EPHX4: variants seen among roughly 807,000 people sequenced by gnomAD.
EPHX4 encodes the protein abhydrolase domain containing 7.
EPHX4 carries 31 observed loss-of-function variants against 44.9 expected under a neutral mutation model. The observed-to-expected ratio is 0.69, with a 90% CI of 0.52 to 0.93. The LOEUF is 0.93. Among genes scored for constraint, EPHX4 ranks in the 40% least tolerant of loss-of-function variants. The pLI is 0.00. For missense variants in EPHX4, 373 were observed against 438.1 expected (o/e 0.85, Z 1.33); for synonymous variants, 151 against 159.7 (o/e 0.95, Z 0.41).
chr1:92,045,074 C>T (rs1403415882), intron 3 of EPHX4, among the ~76,000 whole-genome samples: 1 of 152,076 alleles, frequency 6.6e-6, no homozygotes, highest in Non-Finnish European at 1.5e-5. Context: ...GGGATCCTCC[C>T]ACTCCAGGCT....
intron 6 of EPHX4, among the ~76,000 whole-genome samples, chr1:92,059,919 G>T (rs1306239807): frequency 1.3e-5 from 2 of 151,324 alleles, no homozygotes; most frequent in African/African-American, 2.4e-5. Context: ...GAGTGCAGTG[G>T]CATGATCACA....
chr1:92,053,921 A>G (rs1246454938), intron 6 of EPHX4, among the ~76,000 whole-genome samples: 4 of 152,186 alleles, frequency 2.6e-5, no homozygotes, highest in East Asian at 1.9e-4. Context: ...ATGAAGATAT[A>G]TAAGATCTGG....
intron 2 of EPHX4, among the ~76,000 whole-genome samples, chr1:92,038,505 G>A (rs1223956067): frequency 6.6e-6 from 1 of 152,098 alleles, no homozygotes; most frequent in Non-Finnish European, 1.5e-5. Context: ...CACCTACAGG[G>A]GCTAGATATT....
At chr1:92,038,028 G>A (rs1055799464) in intron 2 of EPHX4, among the ~76,000 whole-genome samples, 1 of 152,156 alleles carries the variant, frequency 6.6e-6, no homozygotes, top group African/African-American at 2.4e-5. Context: ...GAAGATGACA[G>A]TTAAAAATTA....
intron 4 of EPHX4, among the ~76,000 whole-genome samples, chr1:92,047,012 G>A (rs751801925): frequency 2.6e-5 from 4 of 152,110 alleles, no homozygotes; most frequent in Admixed American, 6.5e-5. Context: ...CATCAGAAAA[G>A]CCTTTAAAGT....
At chr1:92,047,154 T>A (rs538834160) in intron 4 of EPHX4, among the ~76,000 whole-genome samples, 2 of 152,364 alleles carry the variant, frequency 1.3e-5, no homozygotes, top group South Asian at 4.1e-4. Flanking sequence ...GCTCACTTTG[T>A]TAACTTTCAA....
intron 6 of EPHX4, among the ~76,000 whole-genome samples, chr1:92,060,709 A>G (rs1418457822): frequency 6.6e-6 from 1 of 152,022 alleles, no homozygotes; most frequent in African/African-American, 2.4e-5. Flanking sequence ...ACATGAGGCC[A>G]GGAGTTCAAA....
chr1:92,049,715 A>G (rs1379965971), intron 4 of EPHX4, among the ~76,000 whole-genome samples: 1 of 152,234 alleles, frequency 6.6e-6, no homozygotes, highest in Admixed American at 6.5e-5. Flanking sequence ...GTGGTAGGTC[A>G]CTGATAATGA....
rs942757097 is a variant in EPHX4 at position 92,050,793 on chromosome 1, C to A, written c.708+373C>A. ...ATTAGTGTCACACATACACTGACAC[C>A]AGTAGTCATATGCAAGTATCTTGGA... On this transcript the variant is annotated intron_variant, in intron 5 of 6. Coordinates refer to ENST00000370383, the MANE Select transcript of EPHX4 (RefSeq NM_173567.5). Among the ~76,000 whole-genome samples, 6 of 151,528 alleles carry A rather than the reference C, an allele frequency of 4.0e-5. No individual in the cohort carries two copies. The South Asian group carries it at 8.3e-4, about 21-fold the overall frequency.
intron 4 of EPHX4, among the ~76,000 whole-genome samples, chr1:92,049,047 T>C (rs913768501): frequency 6.6e-6 from 1 of 151,528 alleles, no homozygotes; most frequent in African/African-American, 2.4e-5. Context: ...TATATATATT[T>C]ATATATAAAC....
chr1:92,031,175 A>T (rs1688354893), intron 1 of EPHX4, among the ~76,000 whole-genome samples: 1 of 152,210 alleles, frequency 6.6e-6, no homozygotes, highest in African/African-American at 2.4e-5. Context: ...TGGGGTCGAC[A>T]TGAGAATTAA....
At position 92,049,329 on chromosome 1, in the gene EPHX4, C is replaced by A. The variant is rs527943151; in HGVS notation, c.605-988C>A. Among the ~76,000 whole-genome samples the A allele has an allele frequency of 1.2e-4, 18 of 152,246 alleles. No homozygotes were observed. The South Asian group carries it at 3.3e-3, about 28-fold the overall frequency. On this transcript the variant is annotated intron_variant, in intron 4 of 6. Transcript: ENST00000370383. ...CAGCAAACATCACATCCCAGAGAGG[C>A]CTTCTTGACTACTTCTACTATGTAG... is the stretch of plus-strand genomic sequence containing the variant.
At chr1:92,031,214 G>GA (rs1384323346) in intron 1 of EPHX4, among the ~76,000 whole-genome samples, 1 of 152,096 alleles carries the variant, frequency 6.6e-6, no homozygotes, top group Non-Finnish European at 1.5e-5. Flanking sequence ...AAACAAACAC[G>GA]AAAAACTTAG....
rs371017117 is a variant in EPHX4 at position 92,030,485 on chromosome 1, T to TGAGA, written c.231+196_231+199dup. 1.4e-4 allele frequency among the ~76,000 whole-genome samples: 19 copies of TGAGA among 138,720 alleles called. 2 individuals are homozygous for TGAGA. Among genetic ancestry groups the TGAGA allele is most frequent in the African/African-American group, 5.0e-4 (18 of 36,254 alleles). 91.0% of individuals were successfully genotyped at this position (138,720 alleles called of 152,430 possible). On this transcript the variant is annotated intron_variant, in intron 1 of 6. Transcript: ENST00000370383. ...GTGTGTGTGTGTGTGTGTGTGTGTG[T>TGAGA]GAGAGAGAGAGAGAGAGAGAGAGAT...
intron 6 of EPHX4, among the ~76,000 whole-genome samples, chr1:92,059,741 C>G (rs1291083194): frequency 6.6e-5 from 10 of 152,096 alleles, no homozygotes; most frequent in African/African-American, 2.4e-4. Flanking sequence ...ACAAAAAATT[C>G]TAAGGCATAT....
intron 6 of EPHX4, among the ~76,000 whole-genome samples, chr1:92,062,490 A>G (rs146378328): frequency 0.02 from 3,022 of 150,828 alleles, 49 homozygotes; most frequent in Non-Finnish European, 0.028. Flanking sequence ...GAGGCTGAGG[A>G]AGGAGAATCA....
chr1:92,060,973 T>C (rs1435480926), intron 6 of EPHX4, among the ~76,000 whole-genome samples: 1 of 151,948 alleles, frequency 6.6e-6, no homozygotes, highest in Non-Finnish European at 1.5e-5. Flanking sequence ...CTCTGCCTCC[T>C]GGGTTCAAGC....
intron 5 of EPHX4, among the ~76,000 whole-genome samples, chr1:92,050,792 C>A (rs1647236314): frequency 6.6e-6 from 1 of 151,708 alleles, no homozygotes; most frequent in Non-Finnish European, 1.5e-5. Context: ...TACACTGACA[C>A]CAGTAGTCAT....
intron 6 of EPHX4, among the ~76,000 whole-genome samples, chr1:92,055,926 A>T (rs1647357310): frequency 6.6e-6 from 1 of 152,104 alleles, no homozygotes; most frequent in South Asian, 2.1e-4. Context: ...TCTTTTACTA[A>T]TAGTTGTTTA....
Sources: allele counts gnomAD v4.1 joint callset (sites outside exome capture counted in the v4.1 genomes callset), GRCh38; gene constraint gnomAD v4.1.1; transcripts MANE v1.5; gene names NCBI Gene and HGNC (gene_info 2026-07-23, HGNC 2026-07-21).